The following C10orf105 variants were observed in gnomAD, a reference collection of about 807,000 sequenced individuals.
C10orf105 encodes chromosome 10 open reading frame 105, also known as uncharacterized protein C10orf105.
C10orf105 carries 2 observed loss-of-function variants against 0.6 expected under a neutral mutation model. The observed-to-expected ratio is 3.18, with a 90% confidence interval of 1.30 to 10.01. The LOEUF (loss-of-function observed/expected upper bound fraction) is 10.01, where lower values mean the gene tolerates loss of function less well. Among genes scored for constraint, C10orf105 ranks in the 30% most tolerant of loss-of-function variants. C10orf105 has a pLI of 0.04. For missense variants in C10orf105, 209 were observed against 191.4 expected (o/e 1.09, Z -0.54); for synonymous variants, 95 against 82.4 (o/e 1.15, Z -0.83).
intron 1 of C10orf105, chr10:71,730,410 C>T: frequency 1.3e-6 from 2 of 1,590,302 alleles, no homozygotes; most frequent in South Asian, 1.1e-5. Context: ...TGGGCCAAGC[C>T]CTGGGCTTCC....
At chr10:71,722,138 A>G (rs1589373153), upstream of C10orf105, among the ~76,000 whole-genome samples, 1 of 152,216 alleles carries the variant, frequency 6.6e-6, no homozygotes, top group East Asian at 1.9e-4. Context: ...AAGAAAATCC[A>G]TTCTATATTA....
intron 1 of C10orf105, among the ~76,000 whole-genome samples, chr10:71,727,498 G>A (rs1351144590): frequency 1.3e-5 from 2 of 152,206 alleles, no homozygotes; most frequent in African/African-American, 4.8e-5. Context: ...CTGGCTTTCC[G>A]CTGGACTCAT....
At chr10:71,731,204 C>G (rs1839370857) in intron 1 of C10orf105, among the ~76,000 whole-genome samples, 1 of 152,240 alleles carries the variant, frequency 6.6e-6, no homozygotes, top group Non-Finnish European at 1.5e-5. Flanking sequence ...GGCCTGTACC[C>G]CAGTCAGGGA....
At chr10:71,727,967 C>A (rs1589378526) in intron 1 of C10orf105, among the ~76,000 whole-genome samples, 1 of 152,144 alleles carries the variant, frequency 6.6e-6, no homozygotes, top group Non-Finnish European at 1.5e-5. Context: ...AGGCTGGTGG[C>A]ATGTAGCCAG....
At chr10:71,717,617 A>C (rs1478252823) in intron 1 of C10orf105, 3 of 152,268 alleles carry the variant, frequency 2.0e-5, no homozygotes, top group African/African-American at 7.2e-5. Flanking sequence ...CAGATAACAC[A>C]TGACCAGAGG....
intron 1 of C10orf105, among the ~76,000 whole-genome samples, chr10:71,735,023 C>T (rs1839518467): frequency 6.6e-6 from 1 of 152,222 alleles, no homozygotes. Flanking sequence ...GGGTCTAAAA[C>T]GAGGGTCATG....
In C10orf105 at chr10:71,713,893, G is replaced by A; in HGVS notation, c.*2043C>T. On this transcript the variant is annotated 3_prime_UTR_variant, in exon 2 of 2. Coordinates refer to ENST00000441508, the MANE Select transcript of C10orf105 (RefSeq NM_001164375.3). ...GCCTAGGATTTGCAGGGAGGCCCCA[G>A]GGGAAGCAAACCAGGAAGAGGTTAC... 1 of 153,404 alleles carries A rather than the reference G, an allele frequency of 6.5e-6. No homozygotes were observed. Among genetic ancestry groups the A allele is most frequent in the Non-Finnish European group, 1.5e-5 (1 of 68,912 alleles). 9.5% of individuals were successfully genotyped at this position (153,404 alleles called of 1,614,324 possible).
intron 1 of C10orf105, chr10:71,725,483 A>G (rs754513547): frequency 4.3e-6 from 7 of 1,613,770 alleles, no homozygotes; most frequent in South Asian, 1.1e-5. Context: ...GTGGAGGCCT[A>G]CAACCACGAC....
In C10orf105 at chr10:71,716,119, C is replaced by G. The variant is rs1432397870; in HGVS notation, c.219G>C (p.Glu73Asp). 1 of 1,548,878 alleles carries G rather than the reference C, an allele frequency of 6.5e-7. No homozygotes were observed. Residue 73 changes from glutamate to aspartate, a missense_variant, in exon 2 of 2, where the codon GAG becomes GAC. Coordinates refer to ENST00000441508, the MANE Select transcript of C10orf105 (RefSeq NM_001164375.3). ...GGCTCCCAGGGTGGTGGGGCATGCA[C>G]TCGTGAGCCCTGCGGCGGCTCGGGT... Reference protein sequence around the residue: ...ALDPSRRRAHECMPHHPGSPS... With the variant: ...ALDPSRRRAHDCMPHHPGSPS...
At chr10:71,728,428 C>T (rs1207708257) in intron 1 of C10orf105, among the ~76,000 whole-genome samples, 1 of 152,188 alleles carries the variant, frequency 6.6e-6, no homozygotes, top group Non-Finnish European at 1.5e-5. Flanking sequence ...CTGCCACCCT[C>T]CCCACCCCAG....
chr10:71,731,849 G>C, intron 1 of C10orf105: 1 of 819,048 alleles, frequency 1.2e-6, no homozygotes, highest in Non-Finnish European at 1.9e-6. Flanking sequence ...CATCTCTGAG[G>C]ATGATCCTGC....
intron 1 of C10orf105, among the ~76,000 whole-genome samples, chr10:71,718,103 TAGC>T (rs1214151180): frequency 6.6e-6 from 1 of 152,184 alleles, no homozygotes; most frequent in Non-Finnish European, 1.5e-5. Flanking sequence ...GGGTGGGGGA[TAGC>T]AGATTTTCCT....
At chr10:71,734,049 G>A (rs1839477595) in intron 1 of C10orf105, among the ~76,000 whole-genome samples, 1 of 152,234 alleles carries the variant, frequency 6.6e-6, no homozygotes, top group South Asian at 2.1e-4. Flanking sequence ...GGCTGGGGAA[G>A]CAGGAAGGCT....
At chr10:71,732,053 G>A (rs2132824616) in intron 1 of C10orf105, 2 of 1,614,014 alleles carry the variant, frequency 1.2e-6, no homozygotes, top group Non-Finnish European at 1.7e-6. Context: ...ATTGACGAGA[G>A]CACAGGGCTT....
upstream of C10orf105, among the ~76,000 whole-genome samples, chr10:71,721,126 C>A (rs1866536366): frequency 6.6e-6 from 1 of 152,210 alleles, no homozygotes; most frequent in South Asian, 2.1e-4. Flanking sequence ...GCTGCTGGAG[C>A]AGGGAGGCAT....
At position 71,715,817 on chromosome 10, in the gene C10orf105, G is replaced by C. The variant is rs1422248738; in HGVS notation, c.*119C>G. On this transcript the variant is annotated 3_prime_UTR_variant, in exon 2 of 2. Transcript: ENST00000441508. Reference sequence around the variant, plus strand: ...GCATGCAAGGAGCTTCGGGGGGTGAGTGTGTGTCCCAGACTGCTTGGGCCA... The same window carrying C: ...GCATGCAAGGAGCTTCGGGGGGTGACTGTGTGTCCCAGACTGCTTGGGCCA... 1 of 991,950 alleles carries C rather than the reference G, an allele frequency of 1.0e-6. No individual in the cohort carries two copies. The highest frequency in any genetic ancestry group is 1.7e-5 in the African/African-American group (1 of 58,682). 61.4% of individuals were successfully genotyped at this position (991,950 alleles called of 1,614,324 possible). A position where few individuals can be genotyped will look rare whatever the true frequency, so the allele number is the denominator to read the frequency against.
intron 1 of C10orf105, chr10:71,737,648 G>A: frequency 2.1e-6 from 1 of 465,720 alleles, no homozygotes; most frequent in Non-Finnish European, 4.4e-6. Flanking sequence ...CAGGGCAGTG[G>A]GAGAAGGCCT....
At chr10:71,723,216 T>C (rs1866636454), upstream of C10orf105, among the ~76,000 whole-genome samples, 2 of 152,208 alleles carry the variant, frequency 1.3e-5, no homozygotes, top group South Asian at 2.1e-4. Context: ...GGGTCTAGCC[T>C]CTTCCTGCAC....
chr10:71,735,131 C>T (rs188878983), intron 1 of C10orf105, among the ~76,000 whole-genome samples: 133 of 152,348 alleles, frequency 8.7e-4, no homozygotes, highest in African/African-American at 3.2e-3. Flanking sequence ...GATGTGACTG[C>T]AGTGGGGCTC....
Sources: gnomAD v4.1 joint callset for allele counts (sites outside exome capture counted in the v4.1 genomes callset) on GRCh38, gnomAD v4.1.1 for gene constraint, MANE v1.5 for transcripts, NCBI Gene and HGNC (gene_info 2026-07-23, HGNC 2026-07-21) for gene names.